The following VAT1L variants were observed in gnomAD, a reference collection of about 807,000 sequenced individuals.
The protein encoded by VAT1L is vesicle amine transport 1 like, also known as putative NADPH-dependent quinone oxidoreductase VAT1L.
A neutral mutation model predicts 44.1 loss-of-function variants in VAT1L; 34 were observed. That is an observed-to-expected ratio of 0.77 (90% CI 0.59 to 1.03). The LOEUF (loss-of-function observed/expected upper bound fraction) is 1.03, where lower values mean the gene tolerates loss of function less well. VAT1L is among the 50% of genes least tolerant of loss of function. VAT1L has a pLI of 0.00. For synonymous variants in VAT1L, 253 were observed against 202.2 expected (o/e 1.25, Z -2.13); for missense variants, 615 against 538.8 (o/e 1.14, Z -1.40).
At chr16:77,898,465 A>T (rs146968541) in intron 7 of VAT1L, among the ~76,000 whole-genome samples, 150 of 152,348 alleles carry the variant, frequency 9.8e-4, no homozygotes, top group African/African-American at 3.4e-3. Flanking sequence ...GATTAAGTTC[A>T]AGTCTCCCCT....
intron 1 of VAT1L, among the ~76,000 whole-genome samples, chr16:77,811,847 C>T (rs189665459): frequency 6.6e-6 from 1 of 152,156 alleles, no homozygotes; most frequent in East Asian, 1.9e-4. Context: ...AAGTCAATGT[C>T]TTTTTCTCAA....
chr16:77,943,004 C>A (rs2017908921), intron 7 of VAT1L, among the ~76,000 whole-genome samples: 1 of 151,918 alleles, frequency 6.6e-6, no homozygotes, highest in South Asian at 2.1e-4. Flanking sequence ...CTCGGCCTCC[C>A]AAAGTGCTGG....
intron 7 of VAT1L, among the ~76,000 whole-genome samples, chr16:77,916,375 G>A (rs1016453178): frequency 6.6e-6 from 1 of 152,224 alleles, no homozygotes; most frequent in African/African-American, 2.4e-5. Context: ...CCCTACCTGA[G>A]CCACGAAGTA....
intron 1 of VAT1L, among the ~76,000 whole-genome samples, chr16:77,811,089 G>A (rs920539844): frequency 2.0e-5 from 3 of 152,148 alleles, no homozygotes; most frequent in Non-Finnish European, 2.9e-5. Context: ...AGTAGGTTTC[G>A]GAAGAGGGAG....
chr16:77,949,585 A>G (rs1024666086), intron 7 of VAT1L, among the ~76,000 whole-genome samples: 1 of 152,120 alleles, frequency 6.6e-6, no homozygotes, highest in Non-Finnish European at 1.5e-5. Context: ...TCATTCTAGT[A>G]GTTCCTGCCA....
chr16:77,971,093 C>T (rs1254695144), intron 7 of VAT1L, among the ~76,000 whole-genome samples: 1 of 152,090 alleles, frequency 6.6e-6, no homozygotes, highest in Non-Finnish European at 1.5e-5. Context: ...TACCAAGCAC[C>T]AAGCTCCATG....
At chr16:77,962,117 GTAGC>G (rs2018166172) in intron 7 of VAT1L, among the ~76,000 whole-genome samples, 1 of 152,002 alleles carries the variant, frequency 6.6e-6, no homozygotes. Flanking sequence ...ACTGTGTCCT[GTAGC>G]CAGACCCACC....
At chr16:77,976,398 G>A (rs536447093) in intron 8 of VAT1L, among the ~76,000 whole-genome samples, 1 of 152,316 alleles carries the variant, frequency 6.6e-6, no homozygotes, top group South Asian at 2.1e-4. Context: ...GGATGAACTG[G>A]GCAGAGGGGG....
chr16:77,884,586 C>A lies in VAT1L; in HGVS notation c.883-22C>A, dbSNP rs549362335. On this transcript the variant is annotated intron_variant, in intron 6 of 8. Coordinates refer to ENST00000302536, the MANE Select transcript of VAT1L (RefSeq NM_020927.3). The surrounding 1 kb of genome is among the most constrained non-coding windows in gnomAD (Gnocchi z 4.5). Reference sequence around the variant, plus strand: ...AACCCCGGTATTGAGTTCCTATAACCCAATACCACCTCTCTTTGCAGTGGT... The same window carrying A: ...AACCCCGGTATTGAGTTCCTATAACACAATACCACCTCTCTTTGCAGTGGT... 9 of 1,606,760 alleles carry A rather than the reference C, an allele frequency of 5.6e-6. No homozygotes were observed. In the African/African-American group the frequency reaches 1.1e-4, roughly 19 times the overall value.
intron 2 of VAT1L, among the ~76,000 whole-genome samples, chr16:77,819,462 A>G (rs1304962817): frequency 2.0e-5 from 3 of 151,814 alleles, no homozygotes; most frequent in African/African-American, 7.3e-5. Flanking sequence ...GCTCACTGCA[A>G]TCTCTGCCTC....
At chr16:77,867,933 A>G (rs1567492606) in intron 4 of VAT1L, among the ~76,000 whole-genome samples, 1 of 151,944 alleles carries the variant, frequency 6.6e-6, no homozygotes, top group Non-Finnish European at 1.5e-5. Flanking sequence ...TGGGTACACA[A>G]TATTATTTCA....
chr16:77,878,136 A>G (rs2017109478), intron 5 of VAT1L, among the ~76,000 whole-genome samples: 1 of 152,238 alleles, frequency 6.6e-6, no homozygotes, highest in Non-Finnish European at 1.5e-5. Flanking sequence ...TCACTAATTA[A>G]TCAAAGTCTA....
At chr16:77,924,462 C>T (rs1388020040) in intron 7 of VAT1L, among the ~76,000 whole-genome samples, 2 of 152,030 alleles carry the variant, frequency 1.3e-5, no homozygotes, top group African/African-American at 4.8e-5. Flanking sequence ...CCTTCCTCCC[C>T]ACTGTTTTTT....
chr16:77,959,311 A>C (rs2018137559), intron 7 of VAT1L, among the ~76,000 whole-genome samples: 1 of 152,110 alleles, frequency 6.6e-6, no homozygotes, highest in Non-Finnish European at 1.5e-5. Flanking sequence ...CGCACTTTAG[A>C]CTCCAGAAGA....
chr16:77,971,759 G>A (rs2018280099), intron 7 of VAT1L, 91 bp from the exon 8 acceptor site: 5 of 1,363,342 alleles, frequency 3.7e-6, no homozygotes, highest in Non-Finnish European at 5.0e-6. Context: ...CCCTCTGGTG[G>A]TCACTTGACA....
chr16:77,789,600 G>A lies in VAT1L; in HGVS notation c.233+685G>A, dbSNP rs554954829. On this transcript the variant is annotated intron_variant, in intron 1 of 8. Transcript: ENST00000302536. ...GGGAAAGGAACTAGGAAGGAAGAGG[G>A]TCGGTACCTTGCACCCAGGCTTGGT... 4.2e-4 allele frequency among the ~76,000 whole-genome samples: 64 copies of A among 152,262 alleles called. No individual in the cohort carries two copies. In the South Asian group the frequency reaches 7.1e-3, roughly 17 times the overall value.
chr16:77,826,071 G>T (rs2016518394), intron 3 of VAT1L, among the ~76,000 whole-genome samples: 1 of 141,476 alleles, frequency 7.1e-6, no homozygotes. Context: ...GCCGGGCGTA[G>T]TGGCGGGCGC....
At position 77,811,779 on chromosome 16, in the gene VAT1L, A is replaced by C. The variant is rs558086945; in HGVS notation, c.234-5142A>C. Among the ~76,000 whole-genome samples the C allele has an allele frequency of 5.3e-5, 8 of 152,340 alleles. No homozygotes were observed. The South Asian group carries it at 1.7e-3, about 32-fold the overall frequency. ...ATATTCATCACTTACTAGGTAACAG[A>C]AAAGAAAGTGTAGAGGCCAAGGCTA... is the stretch of plus-strand genomic sequence containing the variant. On this transcript the variant is annotated intron_variant, in intron 1 of 8. Coordinates refer to ENST00000302536, the MANE Select transcript of VAT1L (RefSeq NM_020927.3).
intron 3 of VAT1L, among the ~76,000 whole-genome samples, chr16:77,849,934 A>G (rs1298155518): frequency 6.6e-6 from 1 of 152,186 alleles, no homozygotes; most frequent in Admixed American, 6.5e-5. Context: ...TGAGTCATTC[A>G]TGTTCAGGGC....
Sources: gnomAD v4.1 joint callset for allele counts (sites outside exome capture counted in the v4.1 genomes callset) on GRCh38, gnomAD v4.1.1 for gene constraint, Gnocchi (gnomAD v3.1) non-coding constraint, MANE v1.5 for transcripts, NCBI Gene and HGNC (gene_info 2026-07-23, HGNC 2026-07-21) for gene names.